Variants in HIPK2 observed in about 807,000 individuals in gnomAD.
HIPK2 encodes homeodomain-interacting protein kinase 2.
A neutral mutation model predicts 113.7 loss-of-function variants in HIPK2; 27 were observed. That is an observed-to-expected ratio of 0.24 (90% CI 0.17 to 0.33). The LOEUF is 0.33. Ranked by LOEUF, HIPK2 falls within the 10% of genes least tolerant of loss-of-function variation. HIPK2 has a pLI of 1.00. For missense variants in HIPK2, 1,257 were observed against 1,588.0 expected, an observed-to-expected ratio of 0.79 and a Z score of 3.54; for synonymous variants, 631 against 642.2, an observed-to-expected ratio of 0.98 and a Z score of 0.26.
chr7:139,562,482 CTCTT>C lies in HIPK2; in HGVS notation c.*10441_*10444del, dbSNP rs1350700215. Reference sequence around the variant, plus strand: ...AGGTAAACATTTCTGCAGATCCATTCTCTTTCTATCCTAATGGATACCATTTTTG... The same window carrying C: ...AGGTAAACATTTCTGCAGATCCATTCTCTATCCTAATGGATACCATTTTTG... On this transcript the variant is annotated 3_prime_UTR_variant, in exon 15 of 15. Transcript: ENST00000406875. 2 of 152,236 alleles carry C rather than the reference CTCTT, an allele frequency of 1.3e-5. No individual in the cohort carries two copies. Among genetic ancestry groups the C allele is most frequent in the Non-Finnish European group, 2.9e-5 (2 of 68,052 alleles). 9.4% of individuals were successfully genotyped at this position (152,236 alleles called of 1,614,324 possible). A position where few individuals can be genotyped will look rare whatever the true frequency, so the allele number is the denominator to read the frequency against.
Position 139,573,355 on chromosome 7 carries a change from T to C in HIPK2, c.3169A>G (p.Arg1057Gly). Residue 1057 changes from arginine to glycine, a missense_variant, in exon 15 of 15, where the codon AGG becomes GGG. Physicochemically the swap from Arg to Gly is moderately radical, Grantham distance 125. This residue lies in a region of HIPK2 where 862 missense variants were observed against 1,004.3 expected (regional missense o/e 0.86). Transcript: ENST00000406875. ...ITTDRTGSHR[R>G]QQAYITPTMA... ...GTGGGAGTGATGTAGGCCTGCTGCC[T>C]TCGGTGGCTCCCAGTGCGGTCCGTG... 1 of 1,605,146 alleles carries C rather than the reference T, an allele frequency of 6.2e-7. No individual in the cohort carries two copies. Among genetic ancestry groups the C allele is most frequent in the Non-Finnish European group, 8.5e-7 (1 of 1,179,802 alleles).
intron 2 of HIPK2, among the ~76,000 whole-genome samples, chr7:139,682,625 A>G (rs556369911): frequency 1.8e-4 from 27 of 152,216 alleles, no homozygotes; most frequent in Admixed American, 7.2e-4. Context: ...TCTCCTCCCC[A>G]CAGCACCCTG....
chr7:139,718,336 G>A (rs559929149), intron 1 of HIPK2, among the ~76,000 whole-genome samples: 1 of 152,292 alleles, frequency 6.6e-6, no homozygotes, highest in South Asian at 2.1e-4. Flanking sequence ...TAGTGTTCCT[G>A]TCTCTCTGAG....
At chr7:139,642,069 T>A (rs925425702) in intron 2 of HIPK2, among the ~76,000 whole-genome samples, 3 of 152,224 alleles carry the variant, frequency 2.0e-5, no homozygotes, top group African/African-American at 7.2e-5. Context: ...GTCCATGGTA[T>A]TTTATAATCA....
intron 1 of HIPK2, among the ~76,000 whole-genome samples, chr7:139,749,386 A>C (rs1476932779): frequency 6.6e-6 from 1 of 152,232 alleles, no homozygotes; most frequent in Non-Finnish European, 1.5e-5. Flanking sequence ...TGGAACAGAA[A>C]AAACCAATAA....
At chr7:139,595,776 TATCTA>T (rs1799188326) in intron 12 of HIPK2, among the ~76,000 whole-genome samples, 3 of 152,248 alleles carry the variant, frequency 2.0e-5, no homozygotes, top group African/African-American at 7.2e-5. Flanking sequence ...GAGAATTTAT[TATCTA>T]ATCAAAGGAT....
chr7:139,760,169 A>AT (rs1796441378), intron 1 of HIPK2, among the ~76,000 whole-genome samples: 1 of 151,900 alleles, frequency 6.6e-6, no homozygotes, highest in Admixed American at 6.6e-5. Flanking sequence ...CGCCCAGCTA[A>AT]TTTTTTTGTA....
At chr7:139,582,642 G>A (rs17161013) in intron 13 of HIPK2, among the ~76,000 whole-genome samples, 5,115 of 152,348 alleles carry the variant, frequency 0.034, 142 homozygotes, top group African/African-American at 0.076. Context: ...CGCAAATGTC[G>A]GAAAGGGTGA....
intron 2 of HIPK2, among the ~76,000 whole-genome samples, chr7:139,633,797 T>C (rs1800706253): frequency 6.6e-6 from 1 of 151,760 alleles, no homozygotes; most frequent in Non-Finnish European, 1.5e-5. Context: ...ATACAAAAAT[T>C]AGCCAGGCGT....
intron 1 of HIPK2, among the ~76,000 whole-genome samples, chr7:139,731,448 G>A (rs1012924172): frequency 2.6e-5 from 4 of 152,156 alleles, no homozygotes; most frequent in South Asian, 2.1e-4. Context: ...CATCAGTGAC[G>A]TCCACAGTTA....
At chr7:139,694,854 A>G (rs1794519208) in intron 2 of HIPK2, among the ~76,000 whole-genome samples, 3 of 152,224 alleles carry the variant, frequency 2.0e-5, no homozygotes, top group Admixed American at 2.0e-4. Flanking sequence ...GGGCAAGGCA[A>G]TGGCCTAACA....
chr7:139,663,648 C>T (rs28376960), intron 2 of HIPK2, among the ~76,000 whole-genome samples: 1,689 of 152,314 alleles, frequency 0.011, 32 homozygotes, highest in African/African-American at 0.039. Context: ...CCCAACCCAA[C>T]GGCAACTGTA....
chr7:139,709,521 G>C (rs1258159494), intron 2 of HIPK2, among the ~76,000 whole-genome samples: 1 of 152,200 alleles, frequency 6.6e-6, no homozygotes, highest in Non-Finnish European at 1.5e-5. Flanking sequence ...TTGATCAGGG[G>C]ATCATGGAGG....
rs1798160857 is a variant in HIPK2 at position 139,568,426 on chromosome 7, T to G, written c.*4501A>C. On this transcript the variant is annotated 3_prime_UTR_variant, in exon 15 of 15. Coordinates refer to ENST00000406875, the MANE Select transcript of HIPK2 (RefSeq NM_022740.5). ...TGCTCACCCACTTCCCTTGGAAACA[T>G]CCAAAACATCATGAAGAGGCCCTAA... is the stretch of plus-strand genomic sequence containing the variant. The G allele has an allele frequency of 6.6e-6, 1 of 152,330 alleles. No individual in the cohort carries two copies. Among genetic ancestry groups the G allele is most frequent in the Admixed American group, 6.5e-5 (1 of 15,300 alleles). 9.4% of individuals were successfully genotyped at this position (152,330 alleles called of 1,614,324 possible).
chr7:139,646,058 T>C (rs1801208211), intron 2 of HIPK2, among the ~76,000 whole-genome samples: 1 of 152,194 alleles, frequency 6.6e-6, no homozygotes, highest in Non-Finnish European at 1.5e-5. Flanking sequence ...TTCTTGTGTT[T>C]GGGTCACAGA....
chr7:139,734,996 A>G (rs1795897692), intron 1 of HIPK2, among the ~76,000 whole-genome samples: 1 of 152,242 alleles, frequency 6.6e-6, no homozygotes, highest in Non-Finnish European at 1.5e-5. Context: ...CCAACTTGGT[A>G]TAACTATGAT....
chr7:139,685,031 G>A (rs888746051), intron 2 of HIPK2, among the ~76,000 whole-genome samples: 6 of 152,168 alleles, frequency 3.9e-5, no homozygotes, highest in Non-Finnish European at 8.8e-5. Context: ...TCAGAGGTTG[G>A]TTCATAAGGT....
At chr7:139,718,653 C>CTCT (rs1795317066) in intron 1 of HIPK2, among the ~76,000 whole-genome samples, 3 of 152,174 alleles carry the variant, frequency 2.0e-5, no homozygotes, top group African/African-American at 7.2e-5. Context: ...ACTGTTCTTT[C>CTCT]TCTTGTAGCT....
chr7:139,722,286 T>C (rs183458372), intron 1 of HIPK2, among the ~76,000 whole-genome samples: 14 of 152,302 alleles, frequency 9.2e-5, no homozygotes, highest in Non-Finnish European at 1.5e-5. Flanking sequence ...AGAATTAAAG[T>C]CCACTATTTG....
Sources: allele counts gnomAD v4.1 joint callset (sites outside exome capture counted in the v4.1 genomes callset), GRCh38; gene constraint gnomAD v4.1.1; regional missense constraint gnomAD v4.1.1; transcripts MANE v1.5; gene names NCBI Gene and HGNC (gene_info 2026-07-23, HGNC 2026-07-21).